Variants in THSD4 observed in about 807,000 individuals in gnomAD.
THSD4 encodes the protein thrombospondin type 1 domain containing 4, also known as thrombospondin type-1 domain-containing protein 4.
A neutral mutation model predicts 119.0 loss-of-function variants in THSD4; 69 were observed. The observed-to-expected ratio is 0.58, with a 90% CI of 0.48 to 0.71. THSD4 has a LOEUF of 0.71. THSD4 is among the 30% of genes least tolerant of loss of function. The pLI, the probability that THSD4 is intolerant of heterozygous loss-of-function variation, is 0.00. For synonymous variants in THSD4, 524 were observed against 540.4 expected, an observed-to-expected ratio of 0.97 and a Z score of 0.42; for missense variants, 1,393 against 1,391.1, an observed-to-expected ratio of 1.00 and a Z score of -0.02.
rs58965884 is a variant in THSD4 at position 71,217,530 on chromosome 15, G to C, written c.464+2131G>C. On this transcript the variant is annotated intron_variant, in intron 4 of 17. Transcript: ENST00000261862. ...CCCAGCTACTCGGGAGGCTGAGGCA[G>C]GAGAATGGCGTGAACCCGGGAGGCA... Among the ~76,000 whole-genome samples the C allele has an allele frequency of 4.6e-5, 7 of 151,970 alleles. No homozygotes were observed. The South Asian group carries it at 1.5e-3, about 32-fold the overall frequency.
At chr15:71,608,656 A>G (rs986871540) in intron 7 of THSD4, among the ~76,000 whole-genome samples, 5 of 152,192 alleles carry the variant, frequency 3.3e-5, no homozygotes, top group African/African-American at 1.2e-4. Flanking sequence ...GTCAGAGGCC[A>G]TGAGCATTTT....
Position 71,746,930 on chromosome 15 carries a change from G to A in THSD4, c.2129G>A (p.Arg710His), listed in dbSNP as rs775684732. 9.9e-6 allele frequency: 16 copies of A among 1,613,720 alleles called. No individual in the cohort carries two copies. Among genetic ancestry groups the A allele is most frequent in the African/African-American group, 4.0e-5 (3 of 74,922 alleles). ...QVLCRQVYAN[R>H]SLTVQPYRCQ... is the part of the protein sequence containing the mutation. ...CTGTGCCGCCAGGTGTACGCCAACC[G>A]CAGCCTGACGGTGCAGCCCTACCGC... The change falls in exon 13 of 18, where the codon CGC becomes CAC. Residue 710 changes from arginine (R) to histidine (H), a missense_variant. Physicochemically the swap from Arg to His is conservative, Grantham distance 29 (BLOSUM62 0). Coordinates refer to ENST00000261862, the MANE Select transcript of THSD4 (RefSeq NM_024817.3).
intron 17 of THSD4, among the ~76,000 whole-genome samples, chr15:71,775,328 T>TATATTGTC (rs1280798240): frequency 6.6e-6 from 1 of 152,186 alleles, no homozygotes; most frequent in Non-Finnish European, 1.5e-5. Flanking sequence ...AGCTGAGAAG[T>TATATTGTC]ATATTGTCAG....
intron 7 of THSD4, among the ~76,000 whole-genome samples, chr15:71,498,500 C>T (rs1403610631): frequency 6.6e-6 from 1 of 152,146 alleles, no homozygotes; most frequent in Non-Finnish European, 1.5e-5. Context: ...GGCTGCCTCT[C>T]CTAATATTCT....
chr15:71,228,317 T>C (rs1474531431), intron 4 of THSD4, among the ~76,000 whole-genome samples: 2 of 152,050 alleles, frequency 1.3e-5, no homozygotes, highest in Non-Finnish European at 2.9e-5. Flanking sequence ...CAAGGCATGC[T>C]GGCGGCCGCC....
At chr15:71,332,910 G>GTTT (rs1596343275) in intron 6 of THSD4, among the ~76,000 whole-genome samples, 1 of 15,426 alleles carries the variant, frequency 6.5e-5, no homozygotes, top group African/African-American at 1.7e-4. Context: ...TTTTTTTTTA[G>GTTT]TTCATCAGCT....
chr15:71,612,832 G>A (rs904794205), intron 7 of THSD4, among the ~76,000 whole-genome samples: 1 of 152,216 alleles, frequency 6.6e-6, no homozygotes, highest in Non-Finnish European at 1.5e-5. Context: ...GTGTTGCTTT[G>A]CTGAAGTTTC....
At chr15:71,631,431 C>G (rs1432930008) in intron 7 of THSD4, among the ~76,000 whole-genome samples, 1 of 152,162 alleles carries the variant, frequency 6.6e-6, no homozygotes, top group Non-Finnish European at 1.5e-5. Flanking sequence ...AACACCCTCA[C>G]TAAGTCTCTG....
intron 7 of THSD4, among the ~76,000 whole-genome samples, chr15:71,531,978 T>A (rs1275336347): frequency 6.6e-6 from 1 of 152,224 alleles, no homozygotes; most frequent in Non-Finnish European, 1.5e-5. Context: ...CTTAAGCTTT[T>A]ACTGCAAGGT....
At chr15:71,197,155 C>G (rs925723719) in intron 3 of THSD4, among the ~76,000 whole-genome samples, 99 of 152,334 alleles carry the variant, frequency 6.5e-4, no homozygotes, top group African/African-American at 2.3e-3. Context: ...CTTCTGTTTC[C>G]TCTACAAACC....
intron 1 of THSD4, among the ~76,000 whole-genome samples, chr15:71,117,365 C>A (rs1224499853): frequency 6.6e-6 from 1 of 152,094 alleles, no homozygotes; most frequent in Admixed American, 6.5e-5. Context: ...CCTCGAAAAA[C>A]TTGTGGAGAT....
chr15:71,101,954 T>C (rs904847915), intron 1 of THSD4, among the ~76,000 whole-genome samples: 2 of 152,102 alleles, frequency 1.3e-5, no homozygotes, highest in African/African-American at 4.8e-5. Flanking sequence ...GCTCAGGTGA[T>C]CCGCCCCCTT....
Position 71,708,406 on chromosome 15 carries a change from C to T in THSD4, c.1358-20143C>T, listed in dbSNP as rs557118725. 1.1e-4 allele frequency among the ~76,000 whole-genome samples: 16 copies of T among 152,294 alleles called. No homozygotes were observed. In the South Asian group the frequency reaches 3.1e-3, roughly 30 times the overall value. On this transcript the variant is annotated intron_variant, in intron 8 of 17. Transcript: ENST00000261862. ...AGGGCTATCGGCCTTGTCTTTAGCC[C>T]AACCCATGAAATAAGTGAAATGAAG...
At chr15:71,113,022 T>TA (rs373535108), upstream of THSD4, among the ~76,000 whole-genome samples, 22 of 151,550 alleles carry the variant, frequency 1.5e-4, no homozygotes, top group African/African-American at 3.2e-4. Flanking sequence ...CTACTAAAAA[T>TA]AAAAAATGAA....
intron 2 of THSD4, among the ~76,000 whole-genome samples, chr15:71,142,399 A>G (rs1196171929): frequency 6.6e-6 from 1 of 152,164 alleles, no homozygotes; most frequent in African/African-American, 2.4e-5. Flanking sequence ...CAAACTTTTT[A>G]AAAAGGCTGA....
intron 6 of THSD4, among the ~76,000 whole-genome samples, chr15:71,318,014 T>C (rs761263217): frequency 3.9e-5 from 6 of 152,134 alleles, no homozygotes; most frequent in Non-Finnish European, 5.9e-5. Context: ...TTAGAATTTA[T>C]ATGCCCAGGA....
intron 8 of THSD4, among the ~76,000 whole-genome samples, chr15:71,674,336 C>T (rs2051595645): frequency 6.6e-6 from 1 of 152,206 alleles, no homozygotes; most frequent in African/African-American, 2.4e-5. Context: ...AGTTCCTTAA[C>T]TTTTCTGAGA....
intron 7 of THSD4, among the ~76,000 whole-genome samples, chr15:71,513,830 G>C (rs2048316855): frequency 6.6e-6 from 1 of 152,158 alleles, no homozygotes; most frequent in Non-Finnish European, 1.5e-5. Flanking sequence ...GCATGCAATA[G>C]ATATACTCAG....
chr15:71,208,112 C>A (rs1214827341), intron 3 of THSD4, among the ~76,000 whole-genome samples: 3 of 152,154 alleles, frequency 2.0e-5, no homozygotes, highest in Non-Finnish European at 4.4e-5. Flanking sequence ...AATTCAAATT[C>A]CAGGGAGGAA....
Sources: gnomAD v4.1 joint callset for allele counts (sites outside exome capture counted in the v4.1 genomes callset) on GRCh38, gnomAD v4.1.1 for gene constraint, MANE v1.5 for transcripts, NCBI Gene and HGNC (gene_info 2026-07-23, HGNC 2026-07-21) for gene names.